The following HECTD4 variants were observed in gnomAD, a reference collection of about 807,000 sequenced individuals.
HECTD4 encodes the protein HECT domain E3 ubiquitin protein ligase 4.
Under a neutral mutation model 471.5 loss-of-function variants are expected in HECTD4, and 114 were observed. That is an observed-to-expected ratio of 0.24 (90% CI 0.21 to 0.28). The LOEUF is 0.28. Ranked by LOEUF, HECTD4 falls within the 10% of genes least tolerant of loss-of-function variation. HECTD4 has a pLI of 1.00. For missense variants in HECTD4, 3,866 were observed against 5,651.5 expected (o/e 0.68, Z 10.13); for synonymous variants, 2,012 against 2,256.0 (o/e 0.89, Z 3.07).
intron 3 of HECTD4, among the ~76,000 whole-genome samples, chr12:112,314,214 C>T (rs78657332): frequency 1.3e-5 from 2 of 151,658 alleles, no homozygotes; most frequent in South Asian, 2.1e-4. Flanking sequence ...GTTATTATGC[C>T]CCACCAGCTA....
intron 14 of HECTD4, 56 bp from the exon 15 acceptor site, chr12:112,266,039 T>C (rs1334496858): frequency 8.1e-7 from 1 of 1,240,840 alleles, no homozygotes. Flanking sequence ...AGAATACTGA[T>C]GCTATTTTTA....
chr12:112,227,592 A>G (rs1427020512), intron 43 of HECTD4, among the ~76,000 whole-genome samples: 2 of 152,204 alleles, frequency 1.3e-5, no homozygotes, highest in Non-Finnish European at 2.9e-5. Flanking sequence ...ATCAGTTTGG[A>G]AAGTGATAGG....
At chr12:112,308,672 T>C in intron 6 of HECTD4, 81 bp downstream of exon 6, 1 of 1,228,648 alleles carries the variant, frequency 8.1e-7, no homozygotes, top group Non-Finnish European at 1.1e-6. Flanking sequence ...ATCAACTGTA[T>C]TATTATTACT....
Position 112,185,267 on chromosome 12 carries a change from G to A in HECTD4, c.9699C>T (p.Gly3233=), listed in dbSNP as rs984789887. The A allele has an allele frequency of 9.0e-6, 14 of 1,550,232 alleles. No individual in the cohort carries two copies. The African/African-American group carries it at 1.1e-4, about 12-fold the overall frequency. The change falls in exon 61 of 76, where the codon GGC becomes GGT. Residue 3233 remains glycine (G), a synonymous_variant. Coordinates refer to ENST00000682272, the MANE Select transcript of HECTD4 (RefSeq NM_001388303.1). ...YDEETQNWVS[G]GACGGSGGAA... ...CCCCCCCGGAGCCCCCGCAGGCGCC[G>A]CCTGAGACCCAGTTCTGCGTCTCCT...
intron 60 of HECTD4, among the ~76,000 whole-genome samples, chr12:112,185,701 C>G (rs2031836812): frequency 6.6e-6 from 1 of 152,238 alleles, no homozygotes; most frequent in African/African-American, 2.4e-5. Flanking sequence ...AGCTAAGATT[C>G]AGAGCTGACA....
At position 112,250,174 on chromosome 12, in the gene HECTD4, C is replaced by A; in HGVS notation, c.3920G>T (p.Arg1307Leu). ...ACTTGGTCTAAATTGAGGTCTAGCA[C>A]GCCCAGAAATTTCCCTGAGCTTTAT... Reference protein sequence around the residue: ...IMIKLREISGRARPQFRPSIK... With the variant: ...IMIKLREISGLARPQFRPSIK... The change falls in exon 25 of 76, where the codon CGT (arginine) becomes CTT (leucine). Residue 1307 changes from arginine (R) to leucine (L), a missense_variant. By Grantham distance (102) the Arg-to-Leu change is moderately radical. Coordinates refer to ENST00000682272, the MANE Select transcript of HECTD4 (RefSeq NM_001388303.1). 1 of 1,613,746 alleles carries A rather than the reference C, an allele frequency of 6.2e-7. No homozygotes were observed. Among genetic ancestry groups the A allele is most frequent in the South Asian group, 1.1e-5 (1 of 91,068 alleles).
At chr12:112,221,164 C>A in intron 44 of HECTD4, among the ~76,000 whole-genome samples, 1 of 151,852 alleles carries the variant, frequency 6.6e-6, no homozygotes, top group South Asian at 2.1e-4. Context: ...TGTTGCCCAG[C>A]ATATAAAAAT....
Position 112,163,003 on chromosome 12 carries a change from TG to T in HECTD4, c.13120+38del. ...CCAGTTCCAAACAGAGAAAGGCTAG[TG>T]TGTCCCTACTTGGGACATGGCCAGG... On this transcript the variant is annotated intron_variant, in intron 75 of 75. Coordinates refer to ENST00000682272, the MANE Select transcript of HECTD4 (RefSeq NM_001388303.1). This position sits in a 1 kb window ranked among gnomAD's most constrained non-coding sequence, Gnocchi z 8.2. 6.9e-7 allele frequency: 1 copy of T among 1,442,498 alleles called. No homozygotes were observed. The allele number at this position is 1,442,498 out of a possible 1,614,324, so 89.4% of individuals were successfully genotyped here. A position where few individuals can be genotyped will look rare whatever the true frequency, so the allele number is the denominator to read the frequency against.
chr12:112,210,491 A>G (rs1443210631), intron 49 of HECTD4, among the ~76,000 whole-genome samples: 1 of 152,092 alleles, frequency 6.6e-6, no homozygotes, highest in Non-Finnish European at 1.5e-5. Flanking sequence ...GCTCAAACAC[A>G]TTGACCTCTC....
At chr12:112,332,555 A>G (rs2064481560) in intron 1 of HECTD4, among the ~76,000 whole-genome samples, 1 of 151,682 alleles carries the variant, frequency 6.6e-6, no homozygotes. Flanking sequence ...AAAAAAAAAA[A>G]AAAAAAGATT....
intron 7 of HECTD4, among the ~76,000 whole-genome samples, chr12:112,295,367 A>ATTT (rs397971787): frequency 5.7e-4 from 82 of 143,916 alleles, no homozygotes; most frequent in Non-Finnish European, 8.6e-4. Flanking sequence ...TGGTAAGGTG[A>ATTT]TTTTTTTTTT....
rs1356191454 is a variant in HECTD4, at chr12:112,213,037, C to A, written c.7466-387G>T. On this transcript the variant is annotated intron_variant, in intron 48 of 75. Coordinates refer to ENST00000682272, the MANE Select transcript of HECTD4 (RefSeq NM_001388303.1). This position sits in a 1 kb window ranked among gnomAD's most constrained non-coding sequence, Gnocchi z 4.0. ...TCTCGAACTGTTGACCTCAGGCAAT[C>A]CACCTGCCTCGGCCTCTCAAAGTGC... Among the ~76,000 whole-genome samples, 1 of 152,148 alleles carries A rather than the reference C, an allele frequency of 6.6e-6. No homozygotes were observed. Among genetic ancestry groups the A allele is most frequent in the Non-Finnish European group, 1.5e-5 (1 of 68,022 alleles).
intron 8 of HECTD4, among the ~76,000 whole-genome samples, chr12:112,282,200 G>A (rs994214056): frequency 3.3e-5 from 5 of 152,076 alleles, no homozygotes; most frequent in South Asian, 2.1e-4. Flanking sequence ...TGGCTAACAC[G>A]GTGAAACCCC....
chr12:112,345,424 A>G (rs1055594674), intron 1 of HECTD4, among the ~76,000 whole-genome samples: 39 of 152,310 alleles, frequency 2.6e-4, no homozygotes, highest in African/African-American at 9.4e-4. Flanking sequence ...CCTTAATAGT[A>G]TAAGAAACAC....
chr12:112,237,329 T>A (rs11066207), intron 34 of HECTD4, among the ~76,000 whole-genome samples: 1 of 151,948 alleles, frequency 6.6e-6, no homozygotes, highest in Non-Finnish European at 1.5e-5. Flanking sequence ...TATGATTAAT[T>A]CATACATAAC....
chr12:112,166,978 A>C lies in HECTD4; in HGVS notation c.12534+339T>G. 1 of 206,876 alleles carries C rather than the reference A, an allele frequency of 4.8e-6. No homozygotes were observed. Among genetic ancestry groups the C allele is most frequent in the Non-Finnish European group, 9.6e-6 (1 of 104,406 alleles). The allele number at this position is 206,876 out of a possible 1,614,324, so 12.8% of individuals were successfully genotyped here. On this transcript the variant is annotated intron_variant, in intron 72 of 75. Transcript: ENST00000682272. The surrounding 1 kb of genome is among the most constrained non-coding windows in gnomAD (Gnocchi z 4.6). ...TGACTCCTGTGCTCTGAGTCCCTGA[A>C]AAAACTCTTAACCTTCACCCCTACA... is the stretch of plus-strand genomic sequence containing the variant.
At position 112,382,321 on chromosome 12, in the gene HECTD4, C is replaced by A; in HGVS notation, c.-193G>T. 2.1e-6 allele frequency: 1 copy of A among 483,242 alleles called. No individual in the cohort carries two copies. The highest frequency in any genetic ancestry group is 4.3e-5 in the South Asian group (1 of 23,072). The allele number at this position is 483,242 out of a possible 1,614,324, so 29.9% of individuals were successfully genotyped here. The stretch of plus-strand genomic sequence containing the variant: ...CCCCCGACCCCGGCCCGGGAGACCC[C>A]GGCCCTGCCGCCGCCGCCGCCGCCG... On this transcript the variant is annotated 5_prime_UTR_variant, in exon 1 of 76. Transcript: ENST00000682272.
Position 112,184,828 on chromosome 12 carries a change from C to G in HECTD4, c.10138G>C (p.Asp3380His). 6.2e-7 allele frequency: 1 copy of G among 1,608,826 alleles called. No homozygotes were observed. The highest frequency in any genetic ancestry group is 8.5e-7 in the Non-Finnish European group (1 of 1,176,574). ...KDPQGLGVTS[D>H]AIADACQALV... ...GCCTGGCAGGCATCGGCGATGGCGT[C>G]ACTCGTCACGCCCAGCCCCTGTGGG... Residue 3380 changes from aspartate (D) to histidine (H), a missense_variant, in exon 61 of 76, where the codon GAC (aspartate) becomes CAC (histidine). Transcript: ENST00000682272. The surrounding 1 kb of genome is among the most constrained non-coding windows in gnomAD (Gnocchi z 9.1).
chr12:112,166,789 A>G lies in HECTD4; in HGVS notation c.12534+528T>C, dbSNP rs574812282. 1.8e-4 allele frequency: 27 copies of G among 152,620 alleles called. No homozygotes were observed. Among genetic ancestry groups the G allele is most frequent in the African/African-American group, 6.5e-4 (27 of 41,566 alleles). 9.5% of individuals were successfully genotyped at this position (152,620 alleles called of 1,614,324 possible). ...CCGTGACTGGGCCTCAGTGACGGCC[A>G]CTGAGTGAACGGAAGGACTGTGGAC... On this transcript the variant is annotated intron_variant, in intron 72 of 75. Transcript: ENST00000682272. The surrounding 1 kb of genome is among the most constrained non-coding windows in gnomAD (Gnocchi z 4.6).
Sources: allele counts gnomAD v4.1 joint callset (sites outside exome capture counted in the v4.1 genomes callset), GRCh38; gene constraint gnomAD v4.1.1; non-coding constraint Gnocchi (gnomAD v3.1); transcripts MANE v1.5; gene names NCBI Gene and HGNC (gene_info 2026-07-23, HGNC 2026-07-21).